Variants in EXOC6B observed in about 807,000 individuals in gnomAD.
EXOC6B encodes the protein SEC15 homolog B.
A neutral mutation model predicts 113.5 loss-of-function variants in EXOC6B; 54 were observed. The ratio of observed to expected loss-of-function variants is 0.48; its 90% confidence interval spans 0.38 to 0.60. EXOC6B has a LOEUF of 0.60. EXOC6B is among the 20% of genes least tolerant of loss of function. The probability of loss-of-function intolerance (pLI) is 0.00; values close to 1 mark genes in which losing one functional copy is unlikely to be tolerated. For missense variants in EXOC6B, 797 were observed against 977.5 expected, an observed-to-expected ratio of 0.82 and a Z score of 2.46; for synonymous variants, 357 against 339.0, an observed-to-expected ratio of 1.05 and a Z score of -0.58.
chr2:72,179,331 C>A lies in EXOC6B; in HGVS notation c.*4G>T. 1 of 1,602,628 alleles carries A rather than the reference C, an allele frequency of 6.2e-7. No individual in the cohort carries two copies. Among genetic ancestry groups the A allele is most frequent in the Non-Finnish European group, 8.5e-7 (1 of 1,173,960 alleles). ...GGTCGCCTCTGTGGGTCCGGGGTCA[C>A]CCTTCATGAGTGGTGGCTGCTGATG... On this transcript the variant is annotated 3_prime_UTR_variant, in exon 22 of 22. Transcript: ENST00000272427.
At chr2:72,706,290 C>A (rs1328900329) in intron 6 of EXOC6B, among the ~76,000 whole-genome samples, 3 of 152,116 alleles carry the variant, frequency 2.0e-5, no homozygotes, top group Non-Finnish European at 4.4e-5. Flanking sequence ...CCAAAAAAAA[C>A]CAGCTGAAAG....
rs551999708 is a variant in EXOC6B at position 72,187,405 on chromosome 2, C to T, written c.2197-3218G>A. On this transcript the variant is annotated intron_variant, in intron 20 of 21. Coordinates refer to ENST00000272427, the MANE Select transcript of EXOC6B (RefSeq NM_015189.3). ...CAGTGGGTCTCAAGTTCTTTTCCTG[C>T]GACCAGGAAGAATGAGGTACACAGA... Among the ~76,000 whole-genome samples, 18 of 151,956 alleles carry T rather than the reference C, an allele frequency of 1.2e-4. No homozygotes were observed. In the South Asian group the frequency reaches 2.7e-3, roughly 23 times the overall value.
intron 1 of EXOC6B, among the ~76,000 whole-genome samples, chr2:72,791,919 AG>A (rs1248902670): frequency 6.6e-6 from 1 of 152,214 alleles, no homozygotes; most frequent in African/African-American, 2.4e-5. Context: ...ACTGAAACAT[AG>A]ATTCCAAATA....
rs374579348 is a variant in EXOC6B at position 72,248,661 on chromosome 2, G to A, written c.2197-64474C>T. 1.4e-4 allele frequency among the ~76,000 whole-genome samples: 21 copies of A among 152,270 alleles called. 1 individual carries two copies. The highest frequency in any genetic ancestry group is 4.1e-4 in the African/African-American group (17 of 41,554). ...TGCTTAATCTCTTGTGTCTAGCAGA[G>A]TAAATGCTCGGTAAGTATTTGTAGA... On this transcript the variant is annotated intron_variant, in intron 20 of 21. Transcript: ENST00000272427.
intron 20 of EXOC6B, among the ~76,000 whole-genome samples, chr2:72,242,568 A>G (rs1050103324): frequency 6.6e-6 from 1 of 152,216 alleles, no homozygotes; most frequent in African/African-American, 2.4e-5. Context: ...AAGACAAAAA[A>G]AGGAACCAAG....
chr2:72,557,136 T>C (rs1703591962), intron 8 of EXOC6B, among the ~76,000 whole-genome samples: 2 of 151,544 alleles, frequency 1.3e-5, no homozygotes, highest in Non-Finnish European at 2.9e-5. Flanking sequence ...TAAAAGCACA[T>C]ACATATACAA....
chr2:72,276,474 T>C (rs1684814196), intron 20 of EXOC6B, among the ~76,000 whole-genome samples: 1 of 152,126 alleles, frequency 6.6e-6, no homozygotes, highest in South Asian at 2.1e-4. Context: ...TCATTTCAGA[T>C]GTGATTTTTT....
chr2:72,494,514 G>C (rs1304790857), intron 15 of EXOC6B, among the ~76,000 whole-genome samples: 1 of 152,026 alleles, frequency 6.6e-6, no homozygotes, highest in African/African-American at 2.4e-5. Context: ...TAACAAAGAA[G>C]TGACTCAAAC....
chr2:72,597,250 T>C (rs563416801), intron 6 of EXOC6B, among the ~76,000 whole-genome samples: 3 of 151,708 alleles, frequency 2.0e-5, no homozygotes, highest in South Asian at 4.2e-4. Context: ...GATTAGGTTA[T>C]TATAGTTTAT....
chr2:72,269,877 G>T (rs1279053333), intron 20 of EXOC6B, among the ~76,000 whole-genome samples: 1 of 152,248 alleles, frequency 6.6e-6, no homozygotes, highest in African/African-American at 2.4e-5. Context: ...AAATAAAAGG[G>T]TTGAGGAAGC....
chr2:72,451,008 T>C (rs1000884107), intron 18 of EXOC6B, among the ~76,000 whole-genome samples: 3 of 152,190 alleles, frequency 2.0e-5, no homozygotes, highest in Non-Finnish European at 4.4e-5. Flanking sequence ...TCACAATTAC[T>C]TGTACCCTAG....
intron 19 of EXOC6B, among the ~76,000 whole-genome samples, chr2:72,346,278 C>T (rs559264045): frequency 1.5e-3 from 232 of 152,176 alleles, no homozygotes; most frequent in African/African-American, 5.4e-3. Flanking sequence ...GCCACAAGCA[C>T]GAAGAGTCCT....
chr2:72,220,240 C>T (rs1218936254), intron 20 of EXOC6B, among the ~76,000 whole-genome samples: 1 of 152,150 alleles, frequency 6.6e-6, no homozygotes, highest in South Asian at 2.1e-4. Context: ...CGTTTAAGGA[C>T]TATACTCCAT....
chr2:72,397,194 T>C (rs957557254), intron 18 of EXOC6B, among the ~76,000 whole-genome samples: 2 of 152,266 alleles, frequency 1.3e-5, no homozygotes, highest in Admixed American at 1.3e-4. Context: ...ATGACTTTAA[T>C]ATAATTGTGA....
At chr2:72,644,512 G>GA (rs1673534707) in intron 6 of EXOC6B, among the ~76,000 whole-genome samples, 1 of 152,084 alleles carries the variant, frequency 6.6e-6, no homozygotes, top group Non-Finnish European at 1.5e-5. Flanking sequence ...TGAAATGAAG[G>GA]AAAAAATGTT....
chr2:72,711,193 T>A (rs529595220), intron 6 of EXOC6B, among the ~76,000 whole-genome samples: 10 of 152,234 alleles, frequency 6.6e-5, no homozygotes, highest in South Asian at 2.1e-4. Context: ...ATTTTTTTTT[T>A]AAATCACTTC....
intron 20 of EXOC6B, among the ~76,000 whole-genome samples, chr2:72,291,170 T>C (rs1685762675): frequency 6.6e-6 from 1 of 152,178 alleles, no homozygotes; most frequent in Non-Finnish European, 1.5e-5. Context: ...TGACCGAGGA[T>C]ATATTTTTAG....
At chr2:72,217,186 C>CA (rs1680595285) in intron 20 of EXOC6B, among the ~76,000 whole-genome samples, 1 of 152,068 alleles carries the variant, frequency 6.6e-6, no homozygotes, top group Non-Finnish European at 1.5e-5. Flanking sequence ...CTTACTTTCC[C>CA]ATTGCAGGCC....
At chr2:72,362,939 A>T (rs1280688082) in intron 19 of EXOC6B, among the ~76,000 whole-genome samples, 1 of 152,112 alleles carries the variant, frequency 6.6e-6, no homozygotes, top group Non-Finnish European at 1.5e-5. Flanking sequence ...CCTCATTTTG[A>T]ATATGCAAAG....
Sources: allele counts gnomAD v4.1 joint callset (sites outside exome capture counted in the v4.1 genomes callset), GRCh38; gene constraint gnomAD v4.1.1; transcripts MANE v1.5; gene names NCBI Gene and HGNC (gene_info 2026-07-23, HGNC 2026-07-21).